The following ITPK1 variants were observed in gnomAD, a reference collection of about 807,000 sequenced individuals.
ITPK1 encodes the protein inositol-tetrakisphosphate 1-kinase.
Under a neutral mutation model 45.3 loss-of-function variants are expected in ITPK1, and 21 were observed. That is an observed-to-expected ratio of 0.46 (90% confidence interval 0.33 to 0.67). The LOEUF (loss-of-function observed/expected upper bound fraction) is 0.67. Ranked by LOEUF, ITPK1 falls within the 30% of genes least tolerant of loss-of-function variation. The pLI, the probability that ITPK1 is intolerant of heterozygous loss-of-function variation, is 0.02. For missense variants in ITPK1, 474 were observed against 573.5 expected (o/e 0.83, Z 1.77); for synonymous variants, 258 against 253.6 (o/e 1.02, Z -0.16).
intron 3 of ITPK1, among the ~76,000 whole-genome samples, chr14:93,045,653 C>T (rs939224871): frequency 6.6e-5 from 10 of 152,058 alleles, no homozygotes; most frequent in Admixed American, 3.9e-4. Flanking sequence ...GGCAACACAG[C>T]GAAACCCTAT....
At chr14:93,060,563 C>G (rs911529767) in intron 3 of ITPK1, among the ~76,000 whole-genome samples, 1 of 152,182 alleles carries the variant, frequency 6.6e-6, no homozygotes. Flanking sequence ...GGAGGGGACC[C>G]TGCTCTGCTG....
At chr14:93,000,991 A>AT (rs1256049013) in intron 4 of ITPK1, among the ~76,000 whole-genome samples, 1 of 130,212 alleles carries the variant, frequency 7.7e-6, no homozygotes, top group East Asian at 2.4e-4. Context: ...AAAAAAAAAA[A>AT]AAAAAAGGCT....
chr14:93,112,361 C>T (rs80347796), intron 2 of ITPK1, among the ~76,000 whole-genome samples: 2,442 of 151,906 alleles, frequency 0.016, 83 homozygotes, highest in African/African-American at 0.054. Context: ...TTTACAAGGC[C>T]GGACATTCAG....
At position 93,016,806 on chromosome 14, in the gene ITPK1, G is replaced by A. The variant is rs1313715777; in HGVS notation, c.121-5C>T. Reference sequence around the variant, plus strand: ...GATCGGCCGGCTAAGGTTCAGCTGTGAGGCAGGGAACACAGACAAAAGCAA... The same window carrying A: ...GATCGGCCGGCTAAGGTTCAGCTGTAAGGCAGGGAACACAGACAAAAGCAA... On this transcript the variant is annotated splice_polypyrimidine_tract_variant and splice_region_variant and intron_variant, in intron 3 of 10. Coordinates refer to ENST00000267615, the MANE Select transcript of ITPK1 (RefSeq NM_014216.6). The surrounding 1 kb of genome is among the most constrained non-coding windows in gnomAD (Gnocchi z 5.0). The A allele has an allele frequency of 1.9e-6, 3 of 1,613,788 alleles. No individual in the cohort carries two copies. The highest frequency in any genetic ancestry group is 2.5e-6 in the Non-Finnish European group (3 of 1,179,858).
intron 3 of ITPK1, among the ~76,000 whole-genome samples, chr14:93,027,449 G>A (rs1018456799): frequency 3.3e-5 from 5 of 152,128 alleles, no homozygotes; most frequent in African/African-American, 9.7e-5. Context: ...ATGACCCCAT[G>A]AGGCAGAGCC....
chr14:93,106,729 A>C (rs1212014195), intron 2 of ITPK1, among the ~76,000 whole-genome samples: 1 of 152,126 alleles, frequency 6.6e-6, no homozygotes, highest in Non-Finnish European at 1.5e-5. Context: ...GCAGGTGTAC[A>C]TGCCGGCAAG....
At position 93,088,336 on chromosome 14, in the gene ITPK1, G is replaced by GTTTTTTTTT. The variant is rs764902793; in HGVS notation, c.96-11718_96-11717insAAAAAAAAA. On this transcript the variant is annotated intron_variant, in intron 2 of 10. Transcript: ENST00000267615. Reference sequence around the variant, plus strand: ...GTTGCATCTTTTCTTTTTTGGTTTTGTTTTGTTTTTTTTTTTTTTTTGAGA... The same window carrying GTTTTTTTTT: ...GTTGCATCTTTTCTTTTTTGGTTTTGTTTTTTTTTTTTTGTTTTTTTTTTTTTTTTGAGA... 2.7e-4 allele frequency among the ~76,000 whole-genome samples: 34 copies of GTTTTTTTTT among 126,640 alleles called. 3 individuals are homozygous for GTTTTTTTTT. Among genetic ancestry groups the GTTTTTTTTT allele is most frequent in the South Asian group, 4.7e-4 (2 of 4,268 alleles). 83.1% of individuals were successfully genotyped at this position (126,640 alleles called of 152,430 possible).
At chr14:93,052,223 C>T (rs1488216564) in intron 3 of ITPK1, among the ~76,000 whole-genome samples, 2 of 152,156 alleles carry the variant, frequency 1.3e-5, no homozygotes, top group African/African-American at 4.8e-5. Context: ...GTCCCTGCAG[C>T]TTGTAGGACT....
At chr14:93,064,222 G>A (rs2139957950) in intron 3 of ITPK1, among the ~76,000 whole-genome samples, 1 of 152,316 alleles carries the variant, frequency 6.6e-6, no homozygotes, top group South Asian at 2.1e-4. Context: ...GGCAGAGCTT[G>A]CAGTGAGCCG....
At position 93,063,738 on chromosome 14, in the gene ITPK1, C is replaced by G. The variant is rs574567324; in HGVS notation, c.120+12857G>C. 6.6e-6 allele frequency among the ~76,000 whole-genome samples: 1 copy of G among 152,314 alleles called. No individual in the cohort carries two copies. Among genetic ancestry groups the G allele is most frequent in the East Asian group, 1.9e-4 (1 of 5,186 alleles). On this transcript the variant is annotated intron_variant, in intron 3 of 10. Coordinates refer to ENST00000267615, the MANE Select transcript of ITPK1 (RefSeq NM_014216.6). The surrounding 1 kb of genome is among the most constrained non-coding windows in gnomAD (Gnocchi z 4.3). ...CCTCTAGAATCCAATCCCAGCTCCA[C>G]AGCTCACATGCTAGGCTGTGACAAG...
intron 5 of ITPK1, among the ~76,000 whole-genome samples, chr14:92,991,007 G>C (rs1171011607): frequency 6.6e-6 from 1 of 151,562 alleles, no homozygotes; most frequent in African/African-American, 2.4e-5. Flanking sequence ...TTACTGCCGG[G>C]GCAGGGGGGG....
chr14:93,059,813 C>A (rs111907533), intron 3 of ITPK1, among the ~76,000 whole-genome samples: 35 of 52,054 alleles, frequency 6.7e-4, no homozygotes, highest in African/African-American at 2.6e-3. Context: ...GGTGGGGGTC[C>A]CGAGGCAGGG....
chr14:92,975,550 T>C (rs1885897911), intron 5 of ITPK1, among the ~76,000 whole-genome samples: 2 of 152,210 alleles, frequency 1.3e-5, no homozygotes, highest in African/African-American at 4.8e-5. Flanking sequence ...GGTTCCCACA[T>C]ATTTGGTTAA....
At chr14:93,066,683 T>C (rs997832560) in intron 3 of ITPK1, among the ~76,000 whole-genome samples, 19 of 152,040 alleles carry the variant, frequency 1.2e-4, no homozygotes, top group Admixed American at 1.0e-3. Context: ...GGATTACAGG[T>C]GTGAGCCACT....
chr14:93,004,738 G>C (rs1325922574), intron 4 of ITPK1, among the ~76,000 whole-genome samples: 1 of 152,086 alleles, frequency 6.6e-6, no homozygotes, highest in African/African-American at 2.4e-5. Context: ...GCAAAGGAGA[G>C]GCGTGGGGCT....
intron 2 of ITPK1, among the ~76,000 whole-genome samples, chr14:93,083,006 G>A (rs1042731295): frequency 1.3e-5 from 2 of 152,222 alleles, no homozygotes; most frequent in African/African-American, 4.8e-5. Context: ...CAGGGACCCT[G>A]TGAGTGACAG....
Position 93,016,438 on chromosome 14 carries a change from C to T in ITPK1, c.246+238G>A, listed in dbSNP as rs1888181583. On this transcript the variant is annotated intron_variant, in intron 4 of 10. Coordinates refer to ENST00000267615, the MANE Select transcript of ITPK1 (RefSeq NM_014216.6). The surrounding 1 kb of genome is among the most constrained non-coding windows in gnomAD (Gnocchi z 5.0). ...TCATCAGTAAACCGTGTCTACACAGCCAGGGGGTGGAGACGGCCCAACCAT... is the reference window on the plus strand; with the variant it reads ...TCATCAGTAAACCGTGTCTACACAGTCAGGGGGTGGAGACGGCCCAACCAT... Among the ~76,000 whole-genome samples the T allele has an allele frequency of 6.6e-6, 1 of 152,148 alleles. No individual in the cohort carries two copies. The highest frequency in any genetic ancestry group is 2.4e-5 in the African/African-American group (1 of 41,420).
intron 4 of ITPK1, among the ~76,000 whole-genome samples, chr14:93,009,043 A>C (rs912916032): frequency 1.3e-5 from 2 of 152,110 alleles, no homozygotes; most frequent in African/African-American, 4.8e-5. Flanking sequence ...TCCCTCCACC[A>C]GGGAACATCT....
chr14:93,074,217 G>A (rs1245235967), intron 3 of ITPK1, among the ~76,000 whole-genome samples: 2 of 152,160 alleles, frequency 1.3e-5, no homozygotes, highest in Non-Finnish European at 2.9e-5. Context: ...TGTCCAGTTT[G>A]GCTTCGTTCT....
Sources: allele counts gnomAD v4.1 joint callset (sites outside exome capture counted in the v4.1 genomes callset), GRCh38; gene constraint gnomAD v4.1.1; non-coding constraint Gnocchi (gnomAD v3.1); transcripts MANE v1.5; gene names NCBI Gene and HGNC (gene_info 2026-07-23, HGNC 2026-07-21).